Variants in RIMKLB observed in about 807,000 individuals in gnomAD.
The protein encoded by RIMKLB is ribosomal modification protein rimK like family member B, also known as beta-citrylglutamate synthase B.
A neutral mutation model predicts 32.0 loss-of-function variants in RIMKLB; 7 were observed. That is an observed-to-expected ratio of 0.22 (90% CI 0.12 to 0.41). The LOEUF is 0.41. Among genes scored for constraint, RIMKLB ranks in the 10% least tolerant of loss-of-function variants. The pLI is 1.00. For missense variants in RIMKLB, 289 were observed against 498.7 expected, an observed-to-expected ratio of 0.58 and a Z score of 4.00; for synonymous variants, 172 against 185.1, an observed-to-expected ratio of 0.93 and a Z score of 0.57.
rs141034003 is a variant in RIMKLB, at chr12:8,775,380, G to T, written c.*1596G>T. On this transcript the variant is annotated 3_prime_UTR_variant, in exon 6 of 6. Coordinates refer to ENST00000535829, the MANE Select transcript of RIMKLB (RefSeq NM_001297776.2). ...ATATAATATGAGCCTTTAAAACATGGGTAAAACTAATCCCATTGATGGGTT... is the reference window on the plus strand; with the variant it reads ...ATATAATATGAGCCTTTAAAACATGTGTAAAACTAATCCCATTGATGGGTT... 1.0e-6 allele frequency: 1 copy of T among 985,306 alleles called. No homozygotes were observed. Among genetic ancestry groups the T allele is most frequent in the African/African-American group, 1.7e-5 (1 of 57,318 alleles). The allele number at this position is 985,306 out of a possible 1,614,324, so 61.0% of individuals were successfully genotyped here.
chr12:8,744,662 CTTTA>C lies in RIMKLB; in HGVS notation c.176-5188_176-5185del, dbSNP rs755083061. 2.2e-3 allele frequency among the ~76,000 whole-genome samples: 330 copies of C among 150,702 alleles called. 5 individuals are homozygous for C. Among genetic ancestry groups the C allele is most frequent in the African/African-American group, 7.2e-3 (294 of 40,800 alleles). On this transcript the variant is annotated intron_variant, in intron 2 of 5. Transcript: ENST00000535829. Reference sequence around the variant, plus strand: ...TTATAGATTTTGCTAGTTTTTTAAACTTTATTTATTTATTTTGAGATGGAGTCTC... The same window carrying C: ...TTATAGATTTTGCTAGTTTTTTAAACTTTATTTATTTTGAGATGGAGTCTC...
upstream of RIMKLB, among the ~76,000 whole-genome samples, chr12:8,678,486 A>G (rs1386873011): frequency 6.6e-6 from 1 of 151,528 alleles, no homozygotes; most frequent in Non-Finnish European, 1.5e-5. Context: ...ATGCACCACC[A>G]CGCTCTGCTA....
At chr12:8,675,923 TG>T in the RIMKLB span, among the ~76,000 whole-genome samples, 1 of 152,162 alleles carries the variant, frequency 6.6e-6, no homozygotes, top group African/African-American at 2.4e-5. Flanking sequence ...AGGAGGTTTT[TG>T]TCCCTGACGT....
intron 2 of RIMKLB, among the ~76,000 whole-genome samples, chr12:8,721,351 C>T (rs1240905651): frequency 2.6e-5 from 4 of 152,184 alleles, no homozygotes; most frequent in Admixed American, 6.5e-5. Context: ...TTTTACCCAC[C>T]GAATTTCTTT....
intron 1 of RIMKLB, among the ~76,000 whole-genome samples, chr12:8,712,737 AGC>A (rs1944480672): frequency 6.6e-6 from 1 of 152,156 alleles, no homozygotes; most frequent in Non-Finnish European, 1.5e-5. Context: ...TGCACTGTGG[AGC>A]AGGCCCTTCT....
chr12:8,711,048 A>G (rs1240532151), intron 1 of RIMKLB, among the ~76,000 whole-genome samples: 1 of 152,092 alleles, frequency 6.6e-6, no homozygotes, highest in African/African-American at 2.4e-5. Context: ...CAACATGGCA[A>G]AACCCCATAT....
chr12:8,778,355 A>G (rs980478387), downstream of RIMKLB, among the ~76,000 whole-genome samples: 2 of 152,228 alleles, frequency 1.3e-5, no homozygotes, highest in Admixed American at 6.5e-5. Flanking sequence ...TAAGACGAAG[A>G]TAATACAAAA....
At chr12:8,757,674 C>T (rs563894676) in intron 5 of RIMKLB, among the ~76,000 whole-genome samples, 2 of 152,100 alleles carry the variant, frequency 1.3e-5, no homozygotes, top group Non-Finnish European at 2.9e-5. Context: ...GTTCTTCTGT[C>T]TGTATTCCTA....
chr12:8,701,240 G>C (rs149660654), intron 1 of RIMKLB, among the ~76,000 whole-genome samples: 1 of 152,218 alleles, frequency 6.6e-6, no homozygotes, highest in Non-Finnish European at 1.5e-5. Flanking sequence ...AATTGTCTCG[G>C]AATTTTCTGC....
Position 8,775,761 on chromosome 12 carries a change from C to CTCATCTGTGCA in RIMKLB, c.*1978_*1988dup. On this transcript the variant is annotated 3_prime_UTR_variant, in exon 6 of 6. Coordinates refer to ENST00000535829, the MANE Select transcript of RIMKLB (RefSeq NM_001297776.2). ...ATTGTTGATGAATAGAATAGTACCT[C>CTCATCTGTGCA]TCATCTGTGCAGTGTCTCATTTCAC... The CTCATCTGTGCA allele has an allele frequency of 1.0e-6, 1 of 985,386 alleles. No homozygotes were observed. The highest frequency in any genetic ancestry group is 1.2e-6 in the Non-Finnish European group (1 of 829,594). 61.0% of individuals were successfully genotyped at this position (985,386 alleles called of 1,614,324 possible).
At chr12:8,760,811 G>GT (rs1251785573) in intron 5 of RIMKLB, among the ~76,000 whole-genome samples, 2 of 151,878 alleles carry the variant, frequency 1.3e-5, no homozygotes, top group African/African-American at 2.4e-5. Context: ...TTGTAAATTT[G>GT]TTTGAGTTCT....
intron 5 of RIMKLB, among the ~76,000 whole-genome samples, chr12:8,769,293 AT>A (rs1020493701): frequency 6.6e-6 from 1 of 151,584 alleles, no homozygotes; most frequent in Non-Finnish European, 1.5e-5. Context: ...AATTTCATTA[AT>A]TTTTTTTGGT....
chr12:8,673,887 G>A, the RIMKLB span, among the ~76,000 whole-genome samples: 7 of 151,966 alleles, frequency 4.6e-5, no homozygotes, highest in African/African-American at 1.2e-4. Flanking sequence ...GTGAGCCACC[G>A]CACCCGGCCT....
chr12:8,691,344 C>G (rs1247344098), intron 1 of RIMKLB, among the ~76,000 whole-genome samples: 1 of 151,888 alleles, frequency 6.6e-6, no homozygotes, highest in Non-Finnish European at 1.5e-5. Context: ...TGCAGTGGCT[C>G]ACGACTGTAA....
chr12:8,768,224 T>G (rs1950131073), intron 5 of RIMKLB, among the ~76,000 whole-genome samples: 1 of 152,202 alleles, frequency 6.6e-6, no homozygotes, highest in Non-Finnish European at 1.5e-5. Flanking sequence ...TGGCAAGCCT[T>G]TAGCCCGATC....
chr12:8,731,929 TGCC>T (rs1946584110), intron 2 of RIMKLB, among the ~76,000 whole-genome samples: 3 of 152,212 alleles, frequency 2.0e-5, no homozygotes, highest in Non-Finnish European at 2.9e-5. Flanking sequence ...CTAAGTTTAT[TGCC>T]TGTTTTTCTT....
upstream of RIMKLB, among the ~76,000 whole-genome samples, chr12:8,693,598 T>C (rs949947929): frequency 2.6e-5 from 4 of 151,936 alleles, no homozygotes; most frequent in South Asian, 2.1e-4. Flanking sequence ...GGTTTCACCA[T>C]GTTGGACCAG....
chr12:8,781,718 ATGTCTGTCTT>A (rs1406902513), downstream of RIMKLB, among the ~76,000 whole-genome samples: 1 of 152,150 alleles, frequency 6.6e-6, no homozygotes, highest in Non-Finnish European at 1.5e-5. Flanking sequence ...GAGAGTGTGC[ATGTCTGTCTT>A]TCTCTTCCTC....
At chr12:8,702,188 A>C (rs1943468420) in intron 1 of RIMKLB, among the ~76,000 whole-genome samples, 1 of 152,216 alleles carries the variant, frequency 6.6e-6, no homozygotes, top group Non-Finnish European at 1.5e-5. Flanking sequence ...GGATAACATC[A>C]GGGAATAAAA....
Sources: gnomAD v4.1 joint callset for allele counts (sites outside exome capture counted in the v4.1 genomes callset) on GRCh38, gnomAD v4.1.1 for gene constraint, MANE v1.5 for transcripts, NCBI Gene and HGNC (gene_info 2026-07-23, HGNC 2026-07-21) for gene names.